Variants in CPQ observed in about 807,000 individuals in gnomAD.
The protein encoded by CPQ is carboxypeptidase Q.
Under a neutral mutation model 45.7 loss-of-function variants are expected in CPQ, and 37 were observed. The observed-to-expected ratio is 0.81, with a 90% confidence interval of 0.62 to 1.07. The LOEUF (loss-of-function observed/expected upper bound fraction) is 1.07, where lower values mean the gene tolerates loss of function less well. CPQ is among the 50% of genes least tolerant of loss of function. CPQ has a pLI of 0.00. For missense variants in CPQ, 537 were observed against 572.9 expected, an observed-to-expected ratio of 0.94 and a Z score of 0.64; for synonymous variants, 186 against 205.8, an observed-to-expected ratio of 0.90 and a Z score of 0.82.
At chr8:96,999,086 A>G (rs1809224832) in intron 5 of CPQ, among the ~76,000 whole-genome samples, 1 of 151,930 alleles carries the variant, frequency 6.6e-6, no homozygotes, top group Non-Finnish European at 1.5e-5. Context: ...CATTTTACAG[A>G]TGAGGAACCT....
chr8:96,710,094 T>C lies in CPQ; in HGVS notation c.-35+64692T>C, dbSNP rs117405847. Among the ~76,000 whole-genome samples, 44 of 152,264 alleles carry C rather than the reference T, an allele frequency of 2.9e-4. No individual in the cohort carries two copies. In the East Asian group the frequency reaches 8.1e-3, roughly 28 times the overall value. ...TTGTTATTTGTTTATTCAGGGTTTC[T>C]ATTTCTTACTTATTCAAGCTAGGAG... On this transcript the variant is annotated intron_variant, in intron 1 of 7. Coordinates refer to ENST00000220763, the MANE Select transcript of CPQ (RefSeq NM_016134.4).
chr8:97,092,585 T>A (rs910804263), intron 7 of CPQ: 1 of 152,196 alleles, frequency 6.6e-6, no homozygotes, highest in African/African-American at 2.4e-5. Flanking sequence ...GACTCCCAAT[T>A]CAATAAATGC....
intron 2 of CPQ, among the ~76,000 whole-genome samples, chr8:96,787,500 T>G (rs975531114): frequency 1.3e-5 from 2 of 150,286 alleles, no homozygotes; most frequent in Non-Finnish European, 3.0e-5. Context: ...GGATATTGGC[T>G]TGTAGTTTCA....
At chr8:96,687,640 A>C (rs1208481674) in intron 1 of CPQ, among the ~76,000 whole-genome samples, 1 of 151,670 alleles carries the variant, frequency 6.6e-6, no homozygotes, top group Non-Finnish European at 1.5e-5. Flanking sequence ...CTTGTTTATT[A>C]ATATTTCAGC....
chr8:96,750,000 A>G (rs1257916780), intron 1 of CPQ, among the ~76,000 whole-genome samples: 1 of 152,122 alleles, frequency 6.6e-6, no homozygotes, highest in Non-Finnish European at 1.5e-5. Flanking sequence ...TCACACAGGC[A>G]TTCAAATAAT....
intron 4 of CPQ, among the ~76,000 whole-genome samples, chr8:96,923,116 T>C (rs1164074546): frequency 6.6e-6 from 1 of 152,210 alleles, no homozygotes; most frequent in South Asian, 2.1e-4. Context: ...AAGAGTTGCC[T>C]CTGCCAGAGA....
At position 97,110,817 on chromosome 8, in the gene CPQ, G is replaced by A. The variant is rs553561327; in HGVS notation, c.1256-32203G>A. 7.2e-5 allele frequency among the ~76,000 whole-genome samples: 11 copies of A among 152,240 alleles called. No homozygotes were observed. The East Asian group carries it at 1.2e-3, about 16-fold the overall frequency. On this transcript the variant is annotated intron_variant, in intron 7 of 7. Coordinates refer to ENST00000220763, the MANE Select transcript of CPQ (RefSeq NM_016134.4). ...AGAATAGGATAATATGGAATCCAGCGAAGGAGCCAGGGATTCGGGAGTTCT... is the reference window on the plus strand; with the variant it reads ...AGAATAGGATAATATGGAATCCAGCAAAGGAGCCAGGGATTCGGGAGTTCT...
chr8:96,743,039 G>T (rs1810118124), intron 1 of CPQ, among the ~76,000 whole-genome samples: 2 of 152,250 alleles, frequency 1.3e-5, no homozygotes, highest in African/African-American at 4.8e-5. Flanking sequence ...CTAGATTGGG[G>T]AAGTTCTCCT....
chr8:97,074,959 A>G (rs1445376127), intron 7 of CPQ, among the ~76,000 whole-genome samples: 1 of 152,160 alleles, frequency 6.6e-6, no homozygotes, highest in Non-Finnish European at 1.5e-5. Context: ...CATAAATGTC[A>G]GGTGAAAACT....
At chr8:96,787,940 A>T (rs1810793505) in intron 2 of CPQ, among the ~76,000 whole-genome samples, 3 of 130,058 alleles carry the variant, frequency 2.3e-5, no homozygotes, top group Admixed American at 1.6e-4. Context: ...AACTGTTTAG[A>T]TTTTTCTAGC....
At chr8:97,064,679 T>C (rs1810608274) in intron 6 of CPQ, among the ~76,000 whole-genome samples, 1 of 152,204 alleles carries the variant, frequency 6.6e-6, no homozygotes, top group African/African-American at 2.4e-5. Flanking sequence ...CTTGCCCTTA[T>C]AACTACAATA....
chr8:96,965,932 T>A lies in CPQ; in HGVS notation c.850-3T>A, dbSNP rs199997635. 1 of 1,574,024 alleles carries A rather than the reference T, an allele frequency of 6.4e-7. No individual in the cohort carries two copies. Among genetic ancestry groups the A allele is most frequent in the East Asian group, 2.3e-5 (1 of 44,286 alleles). On this transcript the variant is annotated splice_region_variant and splice_polypyrimidine_tract_variant and intron_variant, in intron 4 of 7. Transcript: ENST00000220763. The stretch of plus-strand genomic sequence containing the variant: ...TTTTTTAACTTTTTATTATTTGTTC[T>A]AGGTTGTACTGGTCAGTGGACATCT...
intron 5 of CPQ, among the ~76,000 whole-genome samples, chr8:97,019,098 A>G (rs1586497222): frequency 6.6e-6 from 1 of 152,328 alleles, no homozygotes; most frequent in Non-Finnish European, 1.5e-5. Flanking sequence ...AAAACATTTT[A>G]TCAGCCAAGA....
At chr8:97,021,489 C>T (rs889499859) in intron 5 of CPQ, among the ~76,000 whole-genome samples, 11 of 152,146 alleles carry the variant, frequency 7.2e-5, no homozygotes, top group Admixed American at 6.6e-4. Flanking sequence ...GCTCCTAGAA[C>T]TGATACAAGA....
intron 4 of CPQ, among the ~76,000 whole-genome samples, chr8:96,881,614 A>G (rs1012204281): frequency 1.2e-4 from 18 of 152,212 alleles, no homozygotes; most frequent in South Asian, 2.1e-4. Context: ...AGGAAACTCA[A>G]TTACCCAAGG....
Position 96,667,009 on chromosome 8 carries a change from G to C in CPQ, c.-35+21607G>C, listed in dbSNP as rs1808933374. 2.0e-5 allele frequency among the ~76,000 whole-genome samples: 3 copies of C among 151,926 alleles called. No homozygotes were observed. The South Asian group carries it at 6.2e-4, about 32-fold the overall frequency. Reference sequence around the variant, plus strand: ...ATTTACTTCTTCCTTACTCATATTAGCTGTTGCCTTTCTAGTCTCTCTTTT... The same window carrying C: ...ATTTACTTCTTCCTTACTCATATTACCTGTTGCCTTTCTAGTCTCTCTTTT... On this transcript the variant is annotated intron_variant, in intron 1 of 7. Coordinates refer to ENST00000220763, the MANE Select transcript of CPQ (RefSeq NM_016134.4).
At chr8:96,728,824 TC>T (rs1298327485) in intron 1 of CPQ, among the ~76,000 whole-genome samples, 2 of 152,012 alleles carry the variant, frequency 1.3e-5, no homozygotes, top group Non-Finnish European at 2.9e-5. Context: ...ATGGGTTTGA[TC>T]CCCATACAAG....
At chr8:96,731,826 A>C (rs1039397964) in intron 1 of CPQ, among the ~76,000 whole-genome samples, 4 of 152,180 alleles carry the variant, frequency 2.6e-5, no homozygotes, top group Non-Finnish European at 5.9e-5. Flanking sequence ...AGCAGGAATG[A>C]AGAAACATGA....
intron 7 of CPQ, among the ~76,000 whole-genome samples, chr8:97,084,445 T>C (rs976663269): frequency 7.9e-5 from 12 of 152,182 alleles, no homozygotes; most frequent in African/African-American, 2.2e-4. Flanking sequence ...GTTGAATCTA[T>C]TTATGAAAAT....
Sources: gnomAD v4.1 joint callset for allele counts (sites outside exome capture counted in the v4.1 genomes callset) on GRCh38, gnomAD v4.1.1 for gene constraint, MANE v1.5 for transcripts, NCBI Gene and HGNC (gene_info 2026-07-23, HGNC 2026-07-21) for gene names.